The following REST variants were observed in gnomAD, a reference collection of about 807,000 sequenced individuals.
The protein encoded by REST is RE1 silencing transcription factor.
A neutral mutation model predicts 30.4 loss-of-function variants in REST; 1 was observed. The observed-to-expected ratio is 0.03, with a 90% CI of 0.01 to 0.16. REST has a LOEUF of 0.16. REST is among the 10% of genes least tolerant of loss of function. The probability of loss-of-function intolerance (pLI) is 1.00; values close to 1 mark genes in which losing one functional copy is unlikely to be tolerated. For missense variants in REST, 1,259 were observed against 1,329.5 expected, an observed-to-expected ratio of 0.95 and a Z score of 0.82; for synonymous variants, 504 against 451.1, an observed-to-expected ratio of 1.12 and a Z score of -1.49.
In REST at chr4:56,910,848, A is replaced by C; in HGVS notation, c.210A>C (p.Glu70Asp). ...GCTGTGATTACCTGGTCGGTGAAGA[A>C]AGACAGATGGCAGAACTGATGCCGG... is the stretch of plus-strand genomic sequence containing the variant. The part of the protein sequence containing the change: ...GSCCDYLVGE[E>D]RQMAELMPVG... Residue 70 changes from glutamate to aspartate, a missense_variant, in exon 2 of 4, where the codon GAA (glutamate) becomes GAC (aspartate). Glu to Asp is a conservative substitution (Grantham distance 45). Transcript: ENST00000309042. 3 of 1,614,220 alleles carry C rather than the reference A, an allele frequency of 1.9e-6. No homozygotes were observed. Among genetic ancestry groups the C allele is most frequent in the South Asian group, 1.1e-5 (1 of 91,084 alleles).
chr4:56,911,511 T>C lies in REST; in HGVS notation c.873T>C (p.Tyr291=), dbSNP rs866117483. 8.1e-6 allele frequency: 13 copies of C among 1,613,608 alleles called. No homozygotes were observed. The highest frequency in any genetic ancestry group is 4.0e-5 in the African/African-American group (3 of 74,922). Reference sequence around the variant, plus strand: ...ATTTTTCAGACAGAAAAAACAATTATGTTCAGCATGTTAGAACTCATACAG... The same window carrying C: ...ATTTTTCAGACAGAAAAAACAATTACGTTCAGCATGTTAGAACTCATACAG... ...CNYFSDRKNN[Y]VQHVRTHTGE... Residue 291 remains tyrosine, a synonymous_variant, in exon 2 of 4, where the codon TAT becomes TAC. Transcript: ENST00000309042.
At chr4:56,924,154 A>G (rs1238118165) in intron 3 of REST, among the ~76,000 whole-genome samples, 1 of 152,212 alleles carries the variant, frequency 6.6e-6, no homozygotes, top group Non-Finnish European at 1.5e-5. Context: ...CACTGTGCCC[A>G]GACAGACATG....
Position 56,931,764 on chromosome 4 carries a change from C to T in REST, c.2906C>T (p.Pro969Leu). ...LTGINSTVEEPVSPMLPPSAV... is the reference protein window; with the variant it reads ...LTGINSTVEELVSPMLPPSAV... ...GGTATAAATTCAACAGTTGAAGAAC[C>T]AGTTTCACCAATGCTTCCCCCTTCA... The change falls in exon 4 of 4, where the codon CCA becomes CTA. Residue 969 changes from proline to leucine, a missense_variant. This residue lies in a region of REST where 856 missense variants were observed against 772.8 expected (regional missense o/e 1.11). Coordinates refer to ENST00000309042, the MANE Select transcript of REST (RefSeq NM_005612.5). 1 of 1,614,174 alleles carries T rather than the reference C, an allele frequency of 6.2e-7. No individual in the cohort carries two copies.
chr4:56,910,766 C>T lies in REST; in HGVS notation c.128C>T (p.Ala43Val). 1 of 1,614,154 alleles carries T rather than the reference C, an allele frequency of 6.2e-7. No individual in the cohort carries two copies. Among genetic ancestry groups the T allele is most frequent in the Non-Finnish European group, 8.5e-7 (1 of 1,180,042 alleles). Reference sequence around the variant, plus strand: ...GACCTTTCCAAAGCTGAACTGGCCGCACCTCAGCTTATTATGCTGGCAAAT... The same window carrying T: ...GACCTTTCCAAAGCTGAACTGGCCGTACCTCAGCTTATTATGCTGGCAAAT... ...LHDLSKAELA[A>V]PQLIMLANVA... The change falls in exon 2 of 4, where the codon GCA becomes GTA. Residue 43 changes from alanine (A) to valine (V), a missense_variant. Coordinates refer to ENST00000309042, the MANE Select transcript of REST (RefSeq NM_005612.5).
intron 2 of REST, among the ~76,000 whole-genome samples, chr4:56,916,050 G>A (rs1720181119): frequency 6.6e-6 from 1 of 151,102 alleles, no homozygotes; most frequent in South Asian, 2.1e-4. Context: ...GCAGTGAGTC[G>A]AGATTGTGCA....
At chr4:56,924,081 C>T (rs1720572694) in intron 3 of REST, among the ~76,000 whole-genome samples, 1 of 151,990 alleles carries the variant, frequency 6.6e-6, no homozygotes, top group African/African-American at 2.4e-5. Context: ...TGGCCTCAAA[C>T]TCCTGGCCTC....
At chr4:56,917,295 A>G (rs1191062758) in intron 2 of REST, among the ~76,000 whole-genome samples, 1 of 152,164 alleles carries the variant, frequency 6.6e-6, no homozygotes, top group African/African-American at 2.4e-5. Flanking sequence ...TGAGGAACAC[A>G]TTTCCCATCT....
At position 56,929,011 on chromosome 4, in the gene REST, G is replaced by A. The variant is rs187609767; in HGVS notation, c.983-830G>A. Among the ~76,000 whole-genome samples the A allele has an allele frequency of 3.1e-4, 47 of 151,408 alleles. 1 individual carries two copies. The highest frequency in any genetic ancestry group is 1.9e-3 in the Admixed American group (29 of 15,226). On this transcript the variant is annotated intron_variant, in intron 3 of 3. Transcript: ENST00000309042. ...ATTCCTGGGCTTAAGCGGTCCTCCC[G>A]CCTTTGCCTCCCGAGTAGCTAGGAC...
intron 3 of REST, among the ~76,000 whole-genome samples, chr4:56,926,184 C>T (rs543271077): frequency 6.6e-5 from 10 of 152,034 alleles, no homozygotes; most frequent in South Asian, 4.1e-4. Context: ...CTCAGCCTCC[C>T]GAGTAGCTGG....
rs753986696 is a variant in REST at position 56,910,830 on chromosome 4, T to C, written c.192T>C (p.Asp64=). ...GGGAAGTAAATGGCAGCTGCTGTGA[T>C]TACCTGGTCGGTGAAGAAAGACAGA... ...LTGEVNGSCC[D]YLVGEERQMA... is the part of the protein sequence containing the mutation. Residue 64 remains aspartate, a synonymous_variant, in exon 2 of 4, where the codon GAT becomes GAC. Coordinates refer to ENST00000309042, the MANE Select transcript of REST (RefSeq NM_005612.5). 6.2e-7 allele frequency: 1 copy of C among 1,614,212 alleles called. No homozygotes were observed. Among genetic ancestry groups the C allele is most frequent in the South Asian group, 1.1e-5 (1 of 91,078 alleles).
intron 1 of REST, chr4:56,909,712 T>G (rs1473266618): frequency 6.6e-6 from 1 of 152,240 alleles, no homozygotes; most frequent in Admixed American, 6.5e-5. Context: ...GAACACTTCG[T>G]TTGAGAATGG....
chr4:56,908,066 T>A lies in REST; in HGVS notation c.-157T>A. 1 of 337,004 alleles carries A rather than the reference T, an allele frequency of 3.0e-6. No homozygotes were observed. The allele number at this position is 337,004 out of a possible 1,614,324, so 20.9% of individuals were successfully genotyped here. On this transcript the variant is annotated 5_prime_UTR_variant, in exon 1 of 4. Transcript: ENST00000309042. Reference sequence around the variant, plus strand: ...GCCTGAGCACCCTCTGCAGCCCCACTCCTGGGCCTTCTTGGTCCACGACGG... The same window carrying A: ...GCCTGAGCACCCTCTGCAGCCCCACACCTGGGCCTTCTTGGTCCACGACGG...
chr4:56,926,222 G>A (rs1326498568), intron 3 of REST, among the ~76,000 whole-genome samples: 1 of 151,692 alleles, frequency 6.6e-6, no homozygotes, highest in African/African-American at 2.4e-5. Context: ...ACCACGCCTG[G>A]CTAAGTTTTT....
At chr4:56,924,443 C>G (rs1720589828) in intron 3 of REST, among the ~76,000 whole-genome samples, 2 of 152,112 alleles carry the variant, frequency 1.3e-5, no homozygotes, top group African/African-American at 4.8e-5. Flanking sequence ...GGATGATATT[C>G]TGTCTCCTAC....
In REST at chr4:56,911,048, A is replaced by T; in HGVS notation, c.410A>T (p.Asn137Ile). ...GGTGCTCCAGATATTTACAGTTCAA[A>T]TAAAGATCTTCCCCCTGAAACACCT... ...ASGAPDIYSS[N>I]KDLPPETPGA... The change falls in exon 2 of 4, where the codon AAT becomes ATT. Residue 137 changes from asparagine to isoleucine, a missense_variant. Asn to Ile is a moderately radical substitution (Grantham distance 149). Transcript: ENST00000309042. The T allele has an allele frequency of 6.2e-7, 1 of 1,614,152 alleles. No individual in the cohort carries two copies. Among genetic ancestry groups the T allele is most frequent in the Non-Finnish European group, 8.5e-7 (1 of 1,180,012 alleles).
Position 56,932,026 on chromosome 4 carries a change from T to A in REST, c.3168T>A (p.Ala1056=). 1 of 1,614,222 alleles carries A rather than the reference T, an allele frequency of 6.2e-7. No individual in the cohort carries two copies. The highest frequency in any genetic ancestry group is 8.5e-7 in the Non-Finnish European group (1 of 1,180,044). ...NAKEALAVKA[A]KGDFVCIFCD... is the part of the protein sequence containing the mutation. ...AGGAAGCCTTGGCAGTCAAAGCGGC[T>A]AAGGGAGATTTTGTTTGTATCTTCT... is the stretch of plus-strand genomic sequence containing the variant. The change falls in exon 4 of 4, where the codon GCT becomes GCA. Residue 1056 remains alanine, a synonymous_variant. Transcript: ENST00000309042.
intron 2 of REST, among the ~76,000 whole-genome samples, chr4:56,913,827 T>C (rs541826053): frequency 6.6e-6 from 1 of 152,144 alleles, no homozygotes; most frequent in Admixed American, 6.5e-5. Context: ...TTTTTGTTTT[T>C]TTAGTAGAGA....
Position 56,931,371 on chromosome 4 carries a change from T to C in REST, c.2513T>C (p.Ile838Thr), listed in dbSNP as rs766112311. 10 of 1,614,244 alleles carry C rather than the reference T, an allele frequency of 6.2e-6. No individual in the cohort carries two copies. The East Asian group carries it at 1.6e-4, about 25-fold the overall frequency. Residue 838 changes from isoleucine to threonine, a missense_variant, in exon 4 of 4, where the codon ATT becomes ACT. Ile to Thr is a moderately conservative substitution (Grantham distance 89). Coordinates refer to ENST00000309042, the MANE Select transcript of REST (RefSeq NM_005612.5). The stretch of plus-strand genomic sequence containing the variant: ...AGGGCACGGAAGGAGCAAGTCCTTA[T>C]TGAAGTTGGCTTAGTGCCTGTTAAA... Reference protein sequence around the residue: ...SERARKEQVLIEVGLVPVKDS... With the variant: ...SERARKEQVLTEVGLVPVKDS...
intron 2 of REST, among the ~76,000 whole-genome samples, chr4:56,912,884 G>T (rs1333029395): frequency 6.6e-6 from 1 of 151,952 alleles, no homozygotes; most frequent in Non-Finnish European, 1.5e-5. Context: ...GACCTCAGGT[G>T]ATCTACCCAC....
Sources: gnomAD v4.1 joint callset for allele counts (sites outside exome capture counted in the v4.1 genomes callset) on GRCh38, gnomAD v4.1.1 for gene constraint, gnomAD v4.1.1 regional missense constraint, MANE v1.5 for transcripts, NCBI Gene and HGNC (gene_info 2026-07-23, HGNC 2026-07-21) for gene names.